FER1L5: variants seen among roughly 807,000 people sequenced by gnomAD.
FER1L5 encodes fer-1-like protein 5.
FER1L5 carries 187 observed loss-of-function variants against 279.9 expected under a neutral mutation model. The observed-to-expected ratio is 0.67, with a 90% CI of 0.59 to 0.75. FER1L5 has a LOEUF of 0.75. Among genes scored for constraint, FER1L5 ranks in the 30% least tolerant of loss-of-function variants. The pLI is 0.00. For missense variants in FER1L5, 2,091 were observed against 2,594.4 expected, an observed-to-expected ratio of 0.81 and a Z score of 4.21; for synonymous variants, 921 against 989.7, an observed-to-expected ratio of 0.93 and a Z score of 1.30.
Position 96,691,952 on chromosome 2 carries a change from G to C in FER1L5, c.3203G>C (p.Cys1068Ser). 1 of 1,490,448 alleles carries C rather than the reference G, an allele frequency of 6.7e-7. No individual in the cohort carries two copies. The highest frequency in any genetic ancestry group is 9.0e-7 in the Non-Finnish European group (1 of 1,115,012). The allele number at this position is 1,490,448 out of a possible 1,614,324, so 92.3% of individuals were successfully genotyped here. A position where few individuals can be genotyped will look rare whatever the true frequency, so the allele number is the denominator to read the frequency against. The change falls in exon 30 of 53, where the codon TGC (cysteine) becomes TCC (serine). Residue 1068 changes from cysteine (C) to serine (S), a missense_variant. Cys to Ser is a moderately radical substitution (Grantham distance 112, BLOSUM62 -1). Transcript: ENST00000624922. This position sits in a 1 kb window ranked among gnomAD's most constrained non-coding sequence, Gnocchi z 6.0. ...CCCCCCAACTTGCCCTTCATCTACT[G>C]CACCTTCAATAGTAAGCACTGACTT... ...TRPPNLPFIY[C>S]TFNKPHYYQL...
chr2:96,702,040 A>G lies in FER1L5; in HGVS notation c.5156A>G (p.Lys1719Arg). 6.2e-7 allele frequency: 1 copy of G among 1,614,002 alleles called. No individual in the cohort carries two copies. The highest frequency in any genetic ancestry group is 1.1e-5 in the South Asian group (1 of 91,090). Residue 1719 changes from lysine (K) to arginine (R), a missense_variant, in exon 46 of 53, where the codon AAA becomes AGA. By Grantham distance (26) the Lys-to-Arg change is conservative. Coordinates refer to ENST00000624922, the MANE Select transcript of FER1L5 (RefSeq NM_001293083.2). This position sits in a 1 kb window ranked among gnomAD's most constrained non-coding sequence, Gnocchi z 4.0. ...PQVNINPRKP[K>R]RYELRCIIWK... The stretch of plus-strand genomic sequence containing the variant: ...GTCAACATCAACCCCAGAAAGCCTA[A>G]ACGGTGAGTGACAGCCCACTTCCCA...
rs566968252 is a variant in FER1L5, at chr2:96,668,953, G to A, written c.1252G>A (p.Gly418Arg). The A allele has an allele frequency of 9.0e-6, 14 of 1,551,558 alleles. No homozygotes were observed. The highest frequency in any genetic ancestry group is 2.7e-5 in the African/African-American group (2 of 73,108). ...GTCCCTCAACCAGATCTCGTCCACC[G>A]GAGAAGAGATAGAAGGCAAGCAAAG... ...SLSLNQISST[G>R]EEIEGVYSGF... The change falls in exon 16 of 53, where the codon GGA becomes AGA. Residue 418 changes from glycine (G) to arginine (R), a missense_variant. Gly to Arg is a moderately radical substitution (Grantham distance 125). Transcript: ENST00000624922.
Position 96,673,081 on chromosome 2 carries a change from A to T in FER1L5, c.1496A>T (p.His499Leu). The T allele has an allele frequency of 4.5e-6, 7 of 1,551,254 alleles. No homozygotes were observed. The highest frequency in any genetic ancestry group is 5.2e-6 in the Non-Finnish European group (6 of 1,146,768). Reference protein sequence around the residue: ...LSHEVTRIEKHQNRQKYGLCV... With the variant: ...LSHEVTRIEKLQNRQKYGLCV... ...TGGGGGCGGTTATTGTTTCAGAAGC[A>T]CCAGAACCGCCAAAAGTATGGGCTG... The change falls in exon 19 of 53, where the codon CAC becomes CTC. Residue 499 changes from histidine (H) to leucine (L), a missense_variant. His to Leu is a moderately conservative substitution (Grantham distance 99, BLOSUM62 -3). Transcript: ENST00000624922.
In FER1L5 at chr2:96,675,844, A is replaced by G. The variant is rs565172701; in HGVS notation, c.1669+2590A>G. 2.6e-5 allele frequency among the ~76,000 whole-genome samples: 4 copies of G among 152,266 alleles called. No individual in the cohort carries two copies. The South Asian group carries it at 6.2e-4, about 24-fold the overall frequency. On this transcript the variant is annotated intron_variant, in intron 19 of 52. Transcript: ENST00000624922. Reference sequence around the variant, plus strand: ...CACCATGTTGCCCAGGCTGGTCTCAAACTCCCGAGCTCAAGCAGTCCACCC... The same window carrying G: ...CACCATGTTGCCCAGGCTGGTCTCAGACTCCCGAGCTCAAGCAGTCCACCC...
chr2:96,676,859 T>C (rs1287822301), intron 19 of FER1L5, among the ~76,000 whole-genome samples: 2 of 152,080 alleles, frequency 1.3e-5, no homozygotes, highest in African/African-American at 2.4e-5. Flanking sequence ...TGTTATACCT[T>C]TTTTTAAATA....
chr2:96,699,247 C>T (rs2153307055), intron 42 of FER1L5, 111 bp downstream of exon 42: 1 of 1,130,356 alleles, frequency 8.8e-7, no homozygotes. Flanking sequence ...TCCAAGTTCC[C>T]ACCACAGCGT....
intron 23 of FER1L5, 55 bp from the exon 24 acceptor site, chr2:96,687,761 G>A: frequency 6.5e-7 from 1 of 1,542,530 alleles, no homozygotes; most frequent in Non-Finnish European, 8.8e-7. Flanking sequence ...GGGGTGGCCG[G>A]GGTGGCGTTC....
intron 32 of FER1L5, 30 bp from the exon 33 acceptor site, chr2:96,693,881 C>T: frequency 7.9e-6 from 12 of 1,526,136 alleles, no homozygotes; most frequent in Non-Finnish European, 1.1e-5. Context: ...CCAGCATGGC[C>T]TCCATGCTTT....
In FER1L5 at chr2:96,702,246, C is replaced by T; in HGVS notation, c.5160-60C>T. The T allele has an allele frequency of 6.3e-7, 1 of 1,582,936 alleles. No individual in the cohort carries two copies. On this transcript the variant is annotated intron_variant, in intron 46 of 52. Coordinates refer to ENST00000624922, the MANE Select transcript of FER1L5 (RefSeq NM_001293083.2). The surrounding 1 kb of genome is among the most constrained non-coding windows in gnomAD (Gnocchi z 4.0). ...GCAGCCTCCCAGGCTTCTCTGCCCTCACTGAGGCTGCAGCTGGGGAGCTCC... is the reference window on the plus strand; with the variant it reads ...GCAGCCTCCCAGGCTTCTCTGCCCTTACTGAGGCTGCAGCTGGGGAGCTCC...
intron 42 of FER1L5, 130 bp downstream of exon 42, chr2:96,699,266 C>A: frequency 2.1e-6 from 2 of 959,546 alleles, no homozygotes; most frequent in Non-Finnish European, 3.2e-6. Flanking sequence ...GTCTTACATG[C>A]CCTGGTGCTC....
chr2:96,689,297 A>G lies in FER1L5; in HGVS notation c.2446A>G (p.Lys816Glu), dbSNP rs1338699155. 6.5e-7 allele frequency: 1 copy of G among 1,550,302 alleles called. No homozygotes were observed. Among genetic ancestry groups the G allele is most frequent in the Admixed American group, 2.0e-5 (1 of 50,718 alleles). The stretch of plus-strand genomic sequence containing the variant: ...CAACTTCTCGGATGTCATGGGGAAC[A>G]AGACCCTCCCCATGACGGATTTCCA... Reference protein sequence around the residue: ...CPNFSDVMGNKTLPMTDFQPP... With the variant: ...CPNFSDVMGNETLPMTDFQPP... The change falls in exon 25 of 53, where the codon AAG becomes GAG. Residue 816 changes from lysine to glutamate, a missense_variant. Transcript: ENST00000624922. This position sits in a 1 kb window ranked among gnomAD's most constrained non-coding sequence, Gnocchi z 4.6.
intron 13 of FER1L5, among the ~76,000 whole-genome samples, 173 bp downstream of exon 13, chr2:96,662,440 T>C (rs569156131): frequency 6.6e-6 from 1 of 152,162 alleles, no homozygotes; most frequent in East Asian, 1.9e-4. Flanking sequence ...CGTCTTATTC[T>C]CTGCATGCCA....
At position 96,703,003 on chromosome 2, in the gene FER1L5, C is replaced by G; in HGVS notation, c.5423C>G (p.Thr1808Arg). ...GATTACATATGGAGCCTGGATGCCA[C>G]GTCCATGAAGTTCCCAGCCCGACTT... ...QKDYIWSLDA[T>R]SMKFPARLII... The change falls in exon 49 of 53, where the codon ACG (threonine) becomes AGG (arginine). Residue 1808 changes from threonine (T) to arginine (R), a missense_variant. Transcript: ENST00000624922. 6.2e-7 allele frequency: 1 copy of G among 1,613,064 alleles called. No homozygotes were observed. Among genetic ancestry groups the G allele is most frequent in the Non-Finnish European group, 8.5e-7 (1 of 1,179,546 alleles).
intron 3 of FER1L5, among the ~76,000 whole-genome samples, 163 bp downstream of exon 3, chr2:96,647,318 C>A (rs1167032514): frequency 6.6e-6 from 1 of 152,156 alleles, no homozygotes; most frequent in East Asian, 1.9e-4. Context: ...GTAGCCAGGG[C>A]AAGACTGCAA....
At chr2:96,674,347 C>G (rs928472992) in intron 19 of FER1L5, among the ~76,000 whole-genome samples, 3 of 152,110 alleles carry the variant, frequency 2.0e-5, no homozygotes, top group Non-Finnish European at 4.4e-5. Flanking sequence ...CCCAGCCTCC[C>G]GAGTAGCTGG....
In FER1L5 at chr2:96,704,631, A is replaced by G. The variant is rs889965611; in HGVS notation, c.6113A>G (p.His2038Arg). ...KPTIDHEWKL[H>R]PGPTNHLSDI... ...ACAATAGACCATGAGTGGAAACTCC[A>G]CCCAGGACCCACAAATCACCTGAGT... Residue 2038 changes from histidine to arginine, a missense_variant, in exon 53 of 53, where the codon CAC becomes CGC. By Grantham distance (29) the His-to-Arg change is conservative. Transcript: ENST00000624922. 6.2e-7 allele frequency: 1 copy of G among 1,613,848 alleles called. No homozygotes were observed. The highest frequency in any genetic ancestry group is 1.3e-5 in the African/African-American group (1 of 74,898).
At position 96,694,317 on chromosome 2, in the gene FER1L5, C is replaced by T. The variant is rs1486631334; in HGVS notation, c.3637-43C>T. On this transcript the variant is annotated intron_variant, in intron 33 of 52. Coordinates refer to ENST00000624922, the MANE Select transcript of FER1L5 (RefSeq NM_001293083.2). This position sits in a 1 kb window ranked among gnomAD's most constrained non-coding sequence, Gnocchi z 4.6. ...CTGCTTGAGGTGAGGGTGAGGGCAGCAGGACCAGCCCAGAGGGCCTCATGC... is the reference window on the plus strand; with the variant it reads ...CTGCTTGAGGTGAGGGTGAGGGCAGTAGGACCAGCCCAGAGGGCCTCATGC... 1 of 1,491,882 alleles carries T rather than the reference C, an allele frequency of 6.7e-7. No homozygotes were observed. The allele number at this position is 1,491,882 out of a possible 1,614,324, so 92.4% of individuals were successfully genotyped here.
chr2:96,702,485 G>T lies in FER1L5; in HGVS notation c.5255+84G>T. On this transcript the variant is annotated intron_variant, in intron 47 of 52. Coordinates refer to ENST00000624922, the MANE Select transcript of FER1L5 (RefSeq NM_001293083.2). The surrounding 1 kb of genome is among the most constrained non-coding windows in gnomAD (Gnocchi z 4.0). ...GCTGGCACGGCCCAGTCCTGAATGG[G>T]ACACCTCTCCATCCAGCTCTGCCTG... 6.4e-7 allele frequency: 1 copy of T among 1,552,908 alleles called. No individual in the cohort carries two copies. The highest frequency in any genetic ancestry group is 8.7e-7 in the Non-Finnish European group (1 of 1,148,172).
At chr2:96,647,258 A>G (rs897240338) in intron 3 of FER1L5, 103 bp downstream of exon 3, 12 of 1,243,202 alleles carry the variant, frequency 9.7e-6, no homozygotes, top group Non-Finnish European at 1.4e-5. Flanking sequence ...GAAGGAATGG[A>G]ACCCACTCCA....
Sources: gnomAD v4.1 joint callset for allele counts (sites outside exome capture counted in the v4.1 genomes callset) on GRCh38, gnomAD v4.1.1 for gene constraint, Gnocchi (gnomAD v3.1) non-coding constraint, MANE v1.5 for transcripts, NCBI Gene and HGNC (gene_info 2026-07-23, HGNC 2026-07-21) for gene names.